The following OSBPL10 variants were observed in gnomAD, a reference collection of about 807,000 sequenced individuals.
OSBPL10 encodes the protein oxysterol-binding protein-related protein 10.
A neutral mutation model predicts 81.7 loss-of-function variants in OSBPL10; 49 were observed. The ratio of observed to expected loss-of-function variants is 0.60; its 90% CI spans 0.48 to 0.76. OSBPL10 has a LOEUF of 0.76. Among genes scored for constraint, OSBPL10 ranks in the 30% least tolerant of loss-of-function variants. The pLI is 0.00. For missense variants in OSBPL10, 923 were observed against 987.8 expected, an observed-to-expected ratio of 0.93 and a Z score of 0.88; for synonymous variants, 419 against 383.6, an observed-to-expected ratio of 1.09 and a Z score of -1.08.
chr3:31,775,096 CAA>C (rs1208233877), intron 4 of OSBPL10, among the ~76,000 whole-genome samples: 1 of 151,950 alleles, frequency 6.6e-6, no homozygotes, highest in Non-Finnish European at 1.5e-5. Context: ...CGTTTGAACT[CAA>C]GAGGCAGAGG....
At chr3:31,980,598 C>T (rs1256994312) in intron 1 of OSBPL10, among the ~76,000 whole-genome samples, 5 of 152,212 alleles carry the variant, frequency 3.3e-5, no homozygotes, top group Admixed American at 3.3e-4. Flanking sequence ...GGGACCAGCA[C>T]GATCCTCCTG....
At chr3:31,854,039 T>G (rs916584431) in intron 3 of OSBPL10, among the ~76,000 whole-genome samples, 1 of 152,252 alleles carries the variant, frequency 6.6e-6, no homozygotes, top group South Asian at 2.1e-4. Flanking sequence ...TTGATCAAGT[T>G]TGATAGATGC....
At chr3:31,893,580 C>T (rs545618034) in intron 1 of OSBPL10, among the ~76,000 whole-genome samples, 92 of 152,174 alleles carry the variant, frequency 6.0e-4, no homozygotes, top group African/African-American at 2.1e-3. Context: ...GACTTACATG[C>T]GAATGTTAAA....
At chr3:31,803,823 G>T (rs1389567538) in intron 4 of OSBPL10, among the ~76,000 whole-genome samples, 1 of 152,118 alleles carries the variant, frequency 6.6e-6, no homozygotes, top group Admixed American at 6.5e-5. Flanking sequence ...GTGCACTTTT[G>T]GTAAGAATAA....
chr3:32,072,303 C>A (rs1699837164), intron 1 of OSBPL10, among the ~76,000 whole-genome samples: 2 of 152,182 alleles, frequency 1.3e-5, no homozygotes. Flanking sequence ...GGCATCAGAT[C>A]CCATTGCTCA....
At chr3:31,965,144 C>A (rs140495861) in intron 1 of OSBPL10, among the ~76,000 whole-genome samples, 3 of 151,418 alleles carry the variant, frequency 2.0e-5, no homozygotes, top group Admixed American at 6.6e-5. Flanking sequence ...CCAAGGTGGG[C>A]GGATCACGAG....
At chr3:31,668,017 A>G (rs1293305059) in intron 10 of OSBPL10, among the ~76,000 whole-genome samples, 1 of 152,240 alleles carries the variant, frequency 6.6e-6, no homozygotes. Flanking sequence ...AATATTAGAC[A>G]GGTGATTTCT....
chr3:31,889,844 G>A (rs1164716568), intron 1 of OSBPL10, among the ~76,000 whole-genome samples: 2 of 152,044 alleles, frequency 1.3e-5, no homozygotes, highest in Non-Finnish European at 2.9e-5. Context: ...TGAGATGATG[G>A]ATATGCTAAT....
At chr3:31,845,507 C>T (rs1057448664) in intron 3 of OSBPL10, among the ~76,000 whole-genome samples, 1 of 152,152 alleles carries the variant, frequency 6.6e-6, no homozygotes. Flanking sequence ...TTATTATGTG[C>T]AATTATAGTG....
At chr3:31,669,928 G>T (rs2125510691) in intron 9 of OSBPL10, among the ~76,000 whole-genome samples, 1 of 152,300 alleles carries the variant, frequency 6.6e-6, no homozygotes, top group Admixed American at 6.5e-5. Context: ...CTTCTGGATT[G>T]CACACAGTGG....
chr3:31,736,720 T>C (rs973252805), intron 5 of OSBPL10, among the ~76,000 whole-genome samples: 1 of 152,332 alleles, frequency 6.6e-6, no homozygotes, highest in Non-Finnish European at 1.5e-5. Context: ...GGCAACACAG[T>C]GAGACCCTGT....
At chr3:31,663,476 A>C (rs1700114689) in intron 11 of OSBPL10, 2 of 990,986 alleles carry the variant, frequency 2.0e-6, no homozygotes, top group Admixed American at 1.1e-4. Context: ...CAAGAGCATA[A>C]GGGCTTCAGC....
intron 3 of OSBPL10, among the ~76,000 whole-genome samples, chr3:31,838,468 G>A (rs1164578527): frequency 2.9e-5 from 4 of 139,490 alleles, no homozygotes; most frequent in East Asian, 2.1e-4. Flanking sequence ...CCGAGATCAC[G>A]AGACGGCACT....
chr3:31,723,560 ACACACACACACC>A (rs1696721465), intron 6 of OSBPL10, among the ~76,000 whole-genome samples: 1 of 151,916 alleles, frequency 6.6e-6, no homozygotes, highest in Non-Finnish European at 1.5e-5. Flanking sequence ...ACACACACAC[ACACACACACACC>A]CCTTTCCCTC....
chr3:32,020,861 A>T lies in OSBPL10; in HGVS notation n.298+25630T>A, dbSNP rs1299797182. Among the ~76,000 whole-genome samples the T allele has an allele frequency of 2.6e-5, 4 of 152,216 alleles. No homozygotes were observed. In the East Asian group the frequency reaches 7.7e-4, roughly 29 times the overall value. On this transcript the variant is annotated intron_variant and non_coding_transcript_variant, in intron 2 of 3. Coordinates refer to the OSBPL10 transcript ENST00000479173. ...TAGTCCGCTAGGACTGCCATAATGA[A>T]ATACCACAGACTGGGTGGCTTAAAC...
Position 31,879,754 on chromosome 3 carries a change from C to T in OSBPL10, c.358G>A (p.Gly120Arg), listed in dbSNP as rs750484724. ...NEQSKHQKPR[G>R]VLSLSGAIVS... ...ATGGCTCCAGATAAAGACAGGACTC[C>T]TCGAGGCTTCTGGTGTTTGCTTTGC... Residue 120 changes from glycine to arginine, a missense_variant, in exon 2 of 12, where the codon GGA becomes AGA. This residue lies in a region of OSBPL10 where 514 missense variants were observed against 508.0 expected (regional missense o/e 1.01). Transcript: ENST00000396556. 1.9e-6 allele frequency: 3 copies of T among 1,614,164 alleles called. No individual in the cohort carries two copies. In the South Asian group the frequency reaches 3.3e-5, roughly 18 times the overall value.
intron 1 of OSBPL10, among the ~76,000 whole-genome samples, chr3:31,925,818 A>G (rs1328868740): frequency 6.6e-6 from 1 of 152,194 alleles, no homozygotes; most frequent in Non-Finnish European, 1.5e-5. Context: ...GTTTCAAAAA[A>G]AAAGATAAAA....
intron 1 of OSBPL10, among the ~76,000 whole-genome samples, chr3:32,055,044 A>G (rs1036985528): frequency 2.0e-5 from 3 of 152,170 alleles, no homozygotes; most frequent in African/African-American, 7.2e-5. Flanking sequence ...AAGAGCTGAA[A>G]TGTTCATGAA....
chr3:31,677,253 T>C (rs1051967140), intron 8 of OSBPL10, among the ~76,000 whole-genome samples: 3 of 152,172 alleles, frequency 2.0e-5, no homozygotes, highest in Non-Finnish European at 4.4e-5. Flanking sequence ...GCTTCGAAGT[T>C]TGGAGATTCT....
Sources: gnomAD v4.1 joint callset for allele counts (sites outside exome capture counted in the v4.1 genomes callset) on GRCh38, gnomAD v4.1.1 for gene constraint, gnomAD v4.1.1 regional missense constraint, MANE v1.5 for transcripts, NCBI Gene and HGNC (gene_info 2026-07-23, HGNC 2026-07-21) for gene names.